Variants in GALNT18 observed in about 807,000 individuals in gnomAD.
The protein encoded by GALNT18 is GalNAc-transferase 18.
GALNT18 carries 44 observed loss-of-function variants against 69.5 expected under a neutral mutation model. The ratio of observed to expected loss-of-function variants is 0.63; its 90% confidence interval spans 0.50 to 0.81. The LOEUF is 0.81. Ranked by LOEUF, GALNT18 falls within the 40% of genes least tolerant of loss-of-function variation. GALNT18 has a pLI of 0.00. For synonymous variants in GALNT18, 364 were observed against 318.2 expected, an observed-to-expected ratio of 1.14 and a Z score of -1.53; for missense variants, 715 against 810.0, an observed-to-expected ratio of 0.88 and a Z score of 1.42.
In GALNT18 at chr11:11,490,200, TTCTCTCTC is replaced by T. The variant is rs71037025; in HGVS notation, c.236-41272_236-41265del. 2.0e-3 allele frequency among the ~76,000 whole-genome samples: 268 copies of T among 130,782 alleles called. 4 individuals are homozygous for T. The highest frequency in any genetic ancestry group is 6.1e-3 in the African/African-American group (211 of 34,750). The allele number at this position is 130,782 out of a possible 152,430, so 85.8% of individuals were successfully genotyped here. A position where few individuals can be genotyped will look rare whatever the true frequency, so the allele number is the denominator to read the frequency against. ...AGTTTGGCCTCTTCTCCTTCACTCA[TTCTCTCTC>T]TCTCTCTCTCTCTCTCTCTCTCTCT... is the stretch of plus-strand genomic sequence containing the variant. On this transcript the variant is annotated intron_variant, in intron 1 of 10. Coordinates refer to ENST00000227756, the MANE Select transcript of GALNT18 (RefSeq NM_198516.3).
chr11:11,542,056 G>T lies in GALNT18; in HGVS notation c.235+79303C>A, dbSNP rs2133956833. Among the ~76,000 whole-genome samples the T allele has an allele frequency of 6.6e-6, 1 of 152,252 alleles. No individual in the cohort carries two copies. The highest frequency in any genetic ancestry group is 2.4e-5 in the African/African-American group (1 of 41,562). The stretch of plus-strand genomic sequence containing the variant: ...AACCAACCACGATGTTGGATTGCTG[G>T]GAACGCAGAGGGAAACTGCCCAGTG... On this transcript the variant is annotated intron_variant, in intron 1 of 10. Coordinates refer to ENST00000227756, the MANE Select transcript of GALNT18 (RefSeq NM_198516.3). The surrounding 1 kb of genome is among the most constrained non-coding windows in gnomAD (Gnocchi z 4.3).
Position 11,327,152 on chromosome 11 carries a change from A to C in GALNT18, c.1446T>G (p.Cys482Trp). The C allele has an allele frequency of 6.2e-7, 1 of 1,614,088 alleles. No homozygotes were observed. Among genetic ancestry groups the C allele is most frequent in the Admixed American group, 1.7e-5 (1 of 60,036 alleles). Reference sequence around the variant, plus strand: ...TCTCTGTATCTGGCCCCTGGTCAAGACACAAATCAGTCTTCAGAGAATTCT... The same window carrying C: ...TCTCTGTATCTGGCCCCTGGTCAAGCCACAAATCAGTCTTCAGAGAATTCT... ...VLQNSLKTDL[C>W]LDQGPDTENV... is the part of the protein sequence containing the mutation. The change falls in exon 9 of 11, where the codon TGT becomes TGG. Residue 482 changes from cysteine (C) to tryptophan (W), a missense_variant. Coordinates refer to ENST00000227756, the MANE Select transcript of GALNT18 (RefSeq NM_198516.3).
At chr11:11,568,569 C>T (rs957103146) in intron 1 of GALNT18, among the ~76,000 whole-genome samples, 9 of 152,146 alleles carry the variant, frequency 5.9e-5, no homozygotes, top group Non-Finnish European at 1.2e-4. Flanking sequence ...GTAAAAATCA[C>T]CCCCTTTTCC....
rs747815074 is a variant in GALNT18, at chr11:11,541,624, G to A, written c.235+79735C>T. Among the ~76,000 whole-genome samples the A allele has an allele frequency of 1.3e-5, 2 of 152,026 alleles. No homozygotes were observed. Among genetic ancestry groups the A allele is most frequent in the African/African-American group, 2.4e-5 (1 of 41,374 alleles). On this transcript the variant is annotated intron_variant, in intron 1 of 10. Transcript: ENST00000227756. The surrounding 1 kb of genome is among the most constrained non-coding windows in gnomAD (Gnocchi z 4.8). ...CAGCCCCACCCACAAATGCATCTCT[G>A]CCTTCAGATCTGATATCCAAGGCTC...
intron 1 of GALNT18, among the ~76,000 whole-genome samples, chr11:11,516,025 G>A (rs1857267277): frequency 1.3e-5 from 2 of 152,228 alleles, no homozygotes. Context: ...ATAAACAGCA[G>A]GGAAGCAGTC....
At chr11:11,412,299 C>T (rs780191405) in intron 3 of GALNT18, among the ~76,000 whole-genome samples, 55 of 152,206 alleles carry the variant, frequency 3.6e-4, no homozygotes, top group Non-Finnish European at 7.2e-4. Flanking sequence ...TAGACCCCTA[C>T]TAGAATTTGC....
chr11:11,385,424 C>T (rs1358920264), intron 3 of GALNT18, among the ~76,000 whole-genome samples: 8 of 151,960 alleles, frequency 5.3e-5, no homozygotes, highest in Admixed American at 2.6e-4. Context: ...GCCTCCCCAG[C>T]AGCTGGGACT....
At chr11:11,527,554 A>G (rs1233304840) in intron 1 of GALNT18, among the ~76,000 whole-genome samples, 1 of 152,232 alleles carries the variant, frequency 6.6e-6, no homozygotes, top group Non-Finnish European at 1.5e-5. Flanking sequence ...AGGTTCACCA[A>G]TTAGAGGTAC....
Position 11,621,435 on chromosome 11 carries a change from C to A in GALNT18, c.159G>T (p.Glu53Asp). The A allele has an allele frequency of 6.2e-7, 1 of 1,614,070 alleles. No homozygotes were observed. The highest frequency in any genetic ancestry group is 8.5e-7 in the Non-Finnish European group (1 of 1,180,040). The change falls in exon 1 of 11, where the codon GAG becomes GAT. Residue 53 changes from glutamate (E) to aspartate (D), a missense_variant. Physicochemically the swap from Glu to Asp is conservative, Grantham distance 45. Transcript: ENST00000227756. This position sits in a 1 kb window ranked among gnomAD's most constrained non-coding sequence, Gnocchi z 9.3. The part of the protein sequence containing the change: ...GQEPAPDKKL[E>D]EDKGDTLKII... The stretch of plus-strand genomic sequence containing the variant: ...TCTTCAGAGTGTCCCCTTTGTCTTC[C>A]TCCAGCTTCTTGTCGGGCGCCGGCT...
rs563002795 is a variant in GALNT18, at chr11:11,314,835, G to A, written c.1512+12251C>T. ...CTCCTCTTCCCAGCCTTCGCCGTGG[G>A]AGCAGTTGCTCCTGGCTGTGACATA... is the stretch of plus-strand genomic sequence containing the variant. On this transcript the variant is annotated intron_variant, in intron 9 of 10. Coordinates refer to ENST00000227756, the MANE Select transcript of GALNT18 (RefSeq NM_198516.3). This position sits in a 1 kb window ranked among gnomAD's most constrained non-coding sequence, Gnocchi z 5.2. Among the ~76,000 whole-genome samples, 22 of 150,036 alleles carry A rather than the reference G, an allele frequency of 1.5e-4. No individual in the cohort carries two copies. The highest frequency in any genetic ancestry group is 3.1e-4 in the Non-Finnish European group (21 of 66,760).
rs1860043001 is a variant in GALNT18 at position 11,616,170 on chromosome 11, A to G, written c.235+5189T>C. ...TAGTCTTAGAGAACAATAAGCAAGG[A>G]CACAAATAGTCCCACAAGATAAAAC... On this transcript the variant is annotated intron_variant, in intron 1 of 10. Transcript: ENST00000227756. The surrounding 1 kb of genome is among the most constrained non-coding windows in gnomAD (Gnocchi z 4.4). Among the ~76,000 whole-genome samples, 4 of 152,168 alleles carry G rather than the reference A, an allele frequency of 2.6e-5. No individual in the cohort carries two copies. Among genetic ancestry groups the G allele is most frequent in the Admixed American group, 2.6e-4 (4 of 15,280 alleles).
Position 11,478,452 on chromosome 11 carries a change from C to A in GALNT18, c.236-29516G>T, listed in dbSNP as rs202047861. ...TAAGGAATTAACGCAGGGGTTCAGCCCAGGAGCAGGATAAGGGACTCCCTG... is the reference window on the plus strand; with the variant it reads ...TAAGGAATTAACGCAGGGGTTCAGCACAGGAGCAGGATAAGGGACTCCCTG... On this transcript the variant is annotated intron_variant, in intron 1 of 10. Transcript: ENST00000227756. Among the ~76,000 whole-genome samples the A allele has an allele frequency of 7.2e-5, 11 of 152,180 alleles. No homozygotes were observed. The East Asian group carries it at 2.1e-3, about 29-fold the overall frequency.
At chr11:11,325,127 T>C (rs1418959593) in intron 9 of GALNT18, among the ~76,000 whole-genome samples, 1 of 151,968 alleles carries the variant, frequency 6.6e-6, no homozygotes, top group Non-Finnish European at 1.5e-5. Flanking sequence ...AGCCAACGAG[T>C]GGATAAAGAA....
chr11:11,516,352 T>C (rs1316003004), intron 1 of GALNT18, among the ~76,000 whole-genome samples: 1 of 152,182 alleles, frequency 6.6e-6, no homozygotes, highest in Non-Finnish European at 1.5e-5. Context: ...AAATTCCTGG[T>C]TGGGCACAGT....
chr11:11,479,320 A>G (rs1856473259), intron 1 of GALNT18, among the ~76,000 whole-genome samples: 1 of 152,222 alleles, frequency 6.6e-6, no homozygotes, highest in Non-Finnish European at 1.5e-5. Flanking sequence ...GTTTTAACCC[A>G]AAGTTTGAGG....
At chr11:11,556,275 G>T (rs1330972938) in intron 1 of GALNT18, among the ~76,000 whole-genome samples, 2 of 152,204 alleles carry the variant, frequency 1.3e-5, no homozygotes, top group African/African-American at 4.8e-5. Flanking sequence ...ACTCTATGGG[G>T]TACCATTCAC....
At position 11,436,713 on chromosome 11, in the gene GALNT18, G is replaced by A. The variant is rs1855411242; in HGVS notation, c.429-3926C>T. ...GCTGAAGGGCAGGGGCAAAAAGAGG[G>A]AAGAAGAGCATATCAAGCAAGACAT... On this transcript the variant is annotated intron_variant, in intron 2 of 10. Coordinates refer to ENST00000227756, the MANE Select transcript of GALNT18 (RefSeq NM_198516.3). The surrounding 1 kb of genome is among the most constrained non-coding windows in gnomAD (Gnocchi z 4.5). 6.6e-6 allele frequency among the ~76,000 whole-genome samples: 1 copy of A among 152,220 alleles called. No individual in the cohort carries two copies. Among genetic ancestry groups the A allele is most frequent in the Admixed American group, 6.5e-5 (1 of 15,280 alleles).
chr11:11,368,418 G>A (rs2133665792), intron 6 of GALNT18, among the ~76,000 whole-genome samples: 1 of 152,200 alleles, frequency 6.6e-6, no homozygotes, highest in Admixed American at 6.5e-5. Flanking sequence ...CCTCCATACT[G>A]TTTTCTCAGA....
At chr11:11,526,287 A>G (rs1857523284) in intron 1 of GALNT18, among the ~76,000 whole-genome samples, 1 of 152,124 alleles carries the variant, frequency 6.6e-6, no homozygotes, top group Admixed American at 6.5e-5. Context: ...TGGATCAAAC[A>G]TTTCTGTGAG....
Sources: gnomAD v4.1 joint callset for allele counts (sites outside exome capture counted in the v4.1 genomes callset) on GRCh38, gnomAD v4.1.1 for gene constraint, Gnocchi (gnomAD v3.1) non-coding constraint, MANE v1.5 for transcripts, NCBI Gene and HGNC (gene_info 2026-07-23, HGNC 2026-07-21) for gene names.